GLCCI1: variants seen among roughly 807,000 people sequenced by gnomAD.
GLCCI1 encodes glucocorticoid-induced transcript 1 protein.
GLCCI1 carries 24 observed loss-of-function variants against 52.2 expected under a neutral mutation model. The observed-to-expected ratio is 0.46, with a 90% CI of 0.33 to 0.65. GLCCI1 has a LOEUF of 0.65. Ranked by LOEUF, GLCCI1 falls within the 30% of genes least tolerant of loss-of-function variation. The pLI is 0.02. For synonymous variants in GLCCI1, 310 were observed against 276.5 expected (o/e 1.12, Z -1.20); for missense variants, 704 against 701.5 (o/e 1.00, Z -0.04).
intron 6 of GLCCI1, among the ~76,000 whole-genome samples, chr7:8,071,687 A>G (rs950198618): frequency 2.6e-5 from 4 of 152,124 alleles, no homozygotes; most frequent in African/African-American, 9.7e-5. Context: ...CTGTCTCTCC[A>G]TGTTCTTCTA....
chr7:8,017,138 C>T (rs1781395369), intron 2 of GLCCI1, among the ~76,000 whole-genome samples: 1 of 152,204 alleles, frequency 6.6e-6, no homozygotes, highest in African/African-American at 2.4e-5. Flanking sequence ...AGGAAAGCTA[C>T]TCCCTCCTCC....
rs144547554 is a variant in GLCCI1, at chr7:8,029,030, C to T, written c.696+6461C>T. Reference sequence around the variant, plus strand: ...TGAATTCTACCAAACATTTAAAGAACACCTAGTACCAATCCTACTAAAGCT... The same window carrying T: ...TGAATTCTACCAAACATTTAAAGAATACCTAGTACCAATCCTACTAAAGCT... On this transcript the variant is annotated intron_variant, in intron 3 of 7. Transcript: ENST00000223145. Among the ~76,000 whole-genome samples, 6 of 152,188 alleles carry T rather than the reference C, an allele frequency of 3.9e-5. No individual in the cohort carries two copies. The East Asian group carries it at 1.2e-3, about 29-fold the overall frequency.
intron 3 of GLCCI1, among the ~76,000 whole-genome samples, chr7:8,048,443 A>T (rs1445039694): frequency 6.6e-6 from 1 of 152,128 alleles, no homozygotes; most frequent in Non-Finnish European, 1.5e-5. Flanking sequence ...GGTCTGTTTA[A>T]TACAGGGAGT....
At position 8,022,469 on chromosome 7, in the gene GLCCI1, T is replaced by C. The variant is rs2127948666; in HGVS notation, c.610-14T>C. 1 of 1,438,916 alleles carries C rather than the reference T, an allele frequency of 6.9e-7. No homozygotes were observed. Among genetic ancestry groups the C allele is most frequent in the Non-Finnish European group, 9.3e-7 (1 of 1,070,870 alleles). 89.1% of individuals were successfully genotyped at this position (1,438,916 alleles called of 1,614,324 possible). On this transcript the variant is annotated splice_polypyrimidine_tract_variant and intron_variant, in intron 2 of 7. Coordinates refer to ENST00000223145, the MANE Select transcript of GLCCI1 (RefSeq NM_138426.4). ...TAAAATTTCTTATTTTATTTATATA[T>C]ATATTTTTTAAAGACACCTAGCTGT...
At chr7:8,003,269 A>G (rs896621070) in intron 1 of GLCCI1, among the ~76,000 whole-genome samples, 2 of 152,188 alleles carry the variant, frequency 1.3e-5, no homozygotes, top group Non-Finnish European at 1.5e-5. Context: ...GTGACATCTG[A>G]ACTGGTCTTG....
At chr7:8,042,304 A>C (rs922006995) in intron 3 of GLCCI1, among the ~76,000 whole-genome samples, 1 of 152,232 alleles carries the variant, frequency 6.6e-6, no homozygotes, top group Admixed American at 6.5e-5. Context: ...CCTTTGATGA[A>C]TCTGGGCAGA....
chr7:8,015,058 T>C (rs1197842839), intron 2 of GLCCI1, among the ~76,000 whole-genome samples: 2 of 152,222 alleles, frequency 1.3e-5, no homozygotes, highest in Non-Finnish European at 2.9e-5. Flanking sequence ...TTTATTTGTT[T>C]TTAAGAAACA....
intron 3 of GLCCI1, among the ~76,000 whole-genome samples, chr7:8,035,716 G>A (rs1781851952): frequency 6.6e-6 from 1 of 152,188 alleles, no homozygotes; most frequent in African/African-American, 2.4e-5. Context: ...CTGCAGTGTG[G>A]ATATAGACAG....
chr7:8,009,269 C>T (rs972958489), intron 2 of GLCCI1, among the ~76,000 whole-genome samples: 1 of 152,164 alleles, frequency 6.6e-6, no homozygotes, highest in Admixed American at 6.5e-5. Flanking sequence ...ATTAAGGTTA[C>T]TATAATAAAA....
At chr7:7,992,440 A>G (rs1468545519) in intron 1 of GLCCI1, among the ~76,000 whole-genome samples, 11 of 152,062 alleles carry the variant, frequency 7.2e-5, no homozygotes, top group African/African-American at 2.4e-4. Flanking sequence ...AAAGACTCAT[A>G]GGAACAATAT....
chr7:8,064,389 C>G (rs1409105377), intron 5 of GLCCI1, among the ~76,000 whole-genome samples: 1 of 152,142 alleles, frequency 6.6e-6, no homozygotes, highest in Non-Finnish European at 1.5e-5. Flanking sequence ...TTTTTCTCGA[C>G]TTTGTCAAAG....
At chr7:7,984,044 A>G (rs375709276) in intron 1 of GLCCI1, among the ~76,000 whole-genome samples, 2 of 152,166 alleles carry the variant, frequency 1.3e-5, no homozygotes, top group East Asian at 1.9e-4. Context: ...GTGAGGCTCC[A>G]TGGACTCAGC....
At chr7:8,068,141 A>C (rs1782674181) in intron 5 of GLCCI1, among the ~76,000 whole-genome samples, 1 of 152,104 alleles carries the variant, frequency 6.6e-6, no homozygotes, top group Non-Finnish European at 1.5e-5. Flanking sequence ...CTGAGGTCAG[A>C]AGTTCAAGAC....
In GLCCI1 at chr7:8,075,383, G is replaced by A. The variant is rs535278336; in HGVS notation, c.1177+4252G>A. ...ACTAATAGCCATAGGAACTACTACT[G>A]CTCTTCTCTGTGTGGAGAATTCAGA... On this transcript the variant is annotated intron_variant, in intron 6 of 7. Transcript: ENST00000223145. 3.9e-5 allele frequency among the ~76,000 whole-genome samples: 6 copies of A among 152,256 alleles called. No homozygotes were observed. The South Asian group carries it at 1.2e-3, about 32-fold the overall frequency.
At chr7:8,020,905 C>T (rs764297655) in intron 2 of GLCCI1, among the ~76,000 whole-genome samples, 7 of 152,036 alleles carry the variant, frequency 4.6e-5, no homozygotes, top group African/African-American at 7.2e-5. Flanking sequence ...TTTCAGAGTA[C>T]GTCATCTTAT....
intron 2 of GLCCI1, among the ~76,000 whole-genome samples, chr7:8,018,232 A>AT (rs1367756412): frequency 6.6e-6 from 1 of 152,160 alleles, no homozygotes; most frequent in Admixed American, 6.5e-5. Context: ...CATAAAATAG[A>AT]TTTTTTAATA....
At chr7:7,976,091 T>C (rs1009869073) in intron 1 of GLCCI1, among the ~76,000 whole-genome samples, 9 of 152,182 alleles carry the variant, frequency 5.9e-5, no homozygotes, top group African/African-American at 2.2e-4. Context: ...TCCAAGAATC[T>C]GCAATTTGTG....
intron 1 of GLCCI1, among the ~76,000 whole-genome samples, chr7:7,972,958 G>A (rs1389535708): frequency 6.6e-6 from 1 of 151,516 alleles, no homozygotes; most frequent in Admixed American, 6.6e-5. Context: ...CTTTTTGCTT[G>A]TTTTTTTTCT....
chr7:8,043,148 T>G (rs1273131470), intron 3 of GLCCI1, among the ~76,000 whole-genome samples: 4 of 152,228 alleles, frequency 2.6e-5, no homozygotes, highest in Non-Finnish European at 2.9e-5. Context: ...TGTATATTGT[T>G]TTTAGACACT....
Sources: gnomAD v4.1 joint callset for allele counts (sites outside exome capture counted in the v4.1 genomes callset) on GRCh38, gnomAD v4.1.1 for gene constraint, MANE v1.5 for transcripts, NCBI Gene and HGNC (gene_info 2026-07-23, HGNC 2026-07-21) for gene names.